C2CD5: variants seen among roughly 807,000 people sequenced by gnomAD.
The protein encoded by C2CD5 is C2 domain-containing protein 5.
A neutral mutation model predicts 130.3 loss-of-function variants in C2CD5; 109 were observed. The ratio of observed to expected loss-of-function variants is 0.84; its 90% CI spans 0.72 to 0.98. C2CD5 has a LOEUF of 0.98. Ranked by LOEUF, C2CD5 falls within the 50% of genes least tolerant of loss-of-function variation. The pLI is 0.00. For missense variants in C2CD5, 996 were observed against 1,261.8 expected, an observed-to-expected ratio of 0.79 and a Z score of 3.19; for synonymous variants, 454 against 429.2, an observed-to-expected ratio of 1.06 and a Z score of -0.71.
chr12:22,467,828 G>A (rs975445239), intron 22 of C2CD5, among the ~76,000 whole-genome samples: 13 of 152,076 alleles, frequency 8.5e-5, no homozygotes, highest in Admixed American at 3.3e-4. Context: ...TTTGGATACC[G>A]TATAGTAACG....
At chr12:22,520,417 T>C (rs1950168608) in intron 7 of C2CD5, among the ~76,000 whole-genome samples, 1 of 152,148 alleles carries the variant, frequency 6.6e-6, no homozygotes. Context: ...ATAATAGTCC[T>C]TCCTAAGGTC....
chr12:22,508,871 C>T (rs923394622), intron 9 of C2CD5, among the ~76,000 whole-genome samples: 36 of 138,406 alleles, frequency 2.6e-4, no homozygotes, highest in African/African-American at 9.4e-4. Context: ...ATACTTAAAT[C>T]TTTTTTTTTT....
intron 16 of C2CD5, 102 bp downstream of exon 16, chr12:22,474,648 TA>T: frequency 1.4e-6 from 1 of 729,598 alleles, no homozygotes; most frequent in South Asian, 3.7e-5. Context: ...TAAATATTTA[TA>T]ACAGTTGTAA....
intron 7 of C2CD5, among the ~76,000 whole-genome samples, chr12:22,522,253 C>T (rs1950338234): frequency 6.6e-6 from 1 of 152,110 alleles, no homozygotes; most frequent in East Asian, 1.9e-4. Context: ...GTACTAAAGG[C>T]ATTTAGGATG....
chr12:22,531,059 A>G (rs1951227416), intron 3 of C2CD5, among the ~76,000 whole-genome samples: 1 of 152,212 alleles, frequency 6.6e-6, no homozygotes, highest in South Asian at 2.1e-4. Flanking sequence ...AATAAACTAT[A>G]TAAACATCCC....
intron 22 of C2CD5, among the ~76,000 whole-genome samples, chr12:22,468,852 T>C (rs755164510): frequency 2.6e-5 from 4 of 152,304 alleles, no homozygotes; most frequent in East Asian, 1.9e-4. Flanking sequence ...TATAAAACTA[T>C]TCTGTATTAT....
rs1949521630 is a variant in C2CD5, at chr12:22,514,564, C to T, written c.953-1185G>A. Among the ~76,000 whole-genome samples the T allele has an allele frequency of 4.0e-5, 6 of 151,796 alleles. No individual in the cohort carries two copies. In the South Asian group the frequency reaches 1.2e-3, roughly 32 times the overall value. On this transcript the variant is annotated intron_variant, in intron 8 of 26. Coordinates refer to ENST00000446597, the MANE Select transcript of C2CD5 (RefSeq NM_001286176.2). The stretch of plus-strand genomic sequence containing the variant: ...AGAAAAAAAGATAATAAAAGAATAT[C>T]ACCAAAATGAGACTTAAACTGATTC...
intron 9 of C2CD5, among the ~76,000 whole-genome samples, chr12:22,511,633 T>A (rs1949211391): frequency 6.6e-6 from 1 of 152,194 alleles, no homozygotes. Flanking sequence ...GTCCAAAATT[T>A]TAAGAATGTT....
chr12:22,506,853 T>C (rs763031742), intron 9 of C2CD5, 34 bp from the exon 10 acceptor site: 23 of 1,299,110 alleles, frequency 1.8e-5, no homozygotes, highest in Middle Eastern at 1.8e-4. Context: ...ATACAACTTA[T>C]CGTGTGTAGA....
At chr12:22,504,266 C>A (rs1187044305) in intron 10 of C2CD5, among the ~76,000 whole-genome samples, 1 of 150,844 alleles carries the variant, frequency 6.6e-6, no homozygotes, top group Admixed American at 6.6e-5. Context: ...ACTCAGAGTA[C>A]ATGGAAGCAA....
chr12:22,504,014 G>A (rs1048335578), intron 10 of C2CD5, among the ~76,000 whole-genome samples: 2 of 152,132 alleles, frequency 1.3e-5, no homozygotes, highest in South Asian at 2.1e-4. Context: ...AAACTGGGAG[G>A]AAAGGCAGAG....
chr12:22,504,333 A>G (rs1175754020), intron 10 of C2CD5, among the ~76,000 whole-genome samples: 1 of 145,780 alleles, frequency 6.9e-6, no homozygotes, highest in African/African-American at 2.6e-5. Context: ...AAGGAGTCTC[A>G]TTCTGTTGCC....
intron 17 of C2CD5, 133 bp from the exon 18 acceptor site, chr12:22,472,480 C>T: frequency 1.6e-6 from 1 of 628,020 alleles, no homozygotes; most frequent in South Asian, 2.2e-5. Flanking sequence ...ACTATACCTG[C>T]AGGAGACTTT....
chr12:22,499,729 A>G (rs1947507814), intron 10 of C2CD5, among the ~76,000 whole-genome samples: 1 of 152,200 alleles, frequency 6.6e-6, no homozygotes, highest in African/African-American at 2.4e-5. Flanking sequence ...AGAATGTCAC[A>G]CATAAGATTT....
intron 9 of C2CD5, among the ~76,000 whole-genome samples, chr12:22,507,404 AG>A (rs111608582): frequency 0.021 from 3,228 of 152,320 alleles, 105 homozygotes; most frequent in African/African-American, 0.073. Flanking sequence ...CCAATGTGGC[AG>A]GAACAAATAC....
intron 3 of C2CD5, among the ~76,000 whole-genome samples, chr12:22,532,508 G>A (rs1951389671): frequency 6.6e-6 from 1 of 152,038 alleles, no homozygotes; most frequent in African/African-American, 2.4e-5. Context: ...AAATTAGCAG[G>A]CACCAGAAAT....
chr12:22,477,389 G>A (rs1016225656), intron 15 of C2CD5: 7 of 152,120 alleles, frequency 4.6e-5, no homozygotes, highest in Non-Finnish European at 7.4e-5. Context: ...TAACAACTAT[G>A]CTAGAATAAT....
intron 10 of C2CD5, chr12:22,502,708 C>A (rs1242967444): frequency 7.7e-7 from 1 of 1,292,024 alleles, no homozygotes. Context: ...TTTTTGTCAG[C>A]ATATGTAGTA....
intron 10 of C2CD5, among the ~76,000 whole-genome samples, chr12:22,493,867 A>C (rs930755315): frequency 9.9e-5 from 15 of 152,060 alleles, no homozygotes; most frequent in Admixed American, 8.5e-4. Flanking sequence ...GTGGGTCTTT[A>C]GGCAAAATAC....
Sources: allele counts gnomAD v4.1 joint callset (sites outside exome capture counted in the v4.1 genomes callset), GRCh38; gene constraint gnomAD v4.1.1; transcripts MANE v1.5; gene names NCBI Gene and HGNC (gene_info 2026-07-23, HGNC 2026-07-21).